PI4KA: variants seen among roughly 807,000 people sequenced by gnomAD.
PI4KA encodes phosphatidylinositol 4-kinase alpha, also known as PI4-kinase alpha.
A neutral mutation model predicts 271.4 loss-of-function variants in PI4KA; 122 were observed. The observed-to-expected ratio is 0.45, with a 90% CI of 0.39 to 0.52. The LOEUF (loss-of-function observed/expected upper bound fraction) is 0.52. Ranked by LOEUF, PI4KA falls within the 20% of genes least tolerant of loss-of-function variation. The pLI, the probability that PI4KA is intolerant of heterozygous loss-of-function variation, is 0.00. For synonymous variants in PI4KA, 1,041 were observed against 1,078.8 expected (o/e 0.96, Z 0.69); for missense variants, 1,969 against 2,769.1 (o/e 0.71, Z 6.48).
At chr22:20,808,547 G>A (rs1167834264) in intron 9 of PI4KA, among the ~76,000 whole-genome samples, 9 of 145,640 alleles carry the variant, frequency 6.2e-5, no homozygotes, top group African/African-American at 1.8e-4. Flanking sequence ...CCAAGATCAC[G>A]CCACTGCACT....
At chr22:20,742,425 A>G in intron 31 of PI4KA, 70 bp from the exon 32 acceptor site, 1 of 1,585,432 alleles carries the variant, frequency 6.3e-7, no homozygotes, top group Non-Finnish European at 8.6e-7. Flanking sequence ...TCCCTGGGCC[A>G]ACAAGAGTTG....
chr22:20,711,269 G>C, intron 51 of PI4KA, 72 bp downstream of exon 51: 1 of 1,019,522 alleles, frequency 9.8e-7, no homozygotes, highest in South Asian at 1.3e-5. Context: ...CCTCTCTGTG[G>C]GGTGGGGATC....
chr22:20,748,715 G>A (rs1321964744), intron 28 of PI4KA, among the ~76,000 whole-genome samples: 1 of 152,210 alleles, frequency 6.6e-6, no homozygotes, highest in African/African-American at 2.4e-5. Flanking sequence ...GGGGACTCCT[G>A]GAGCTCCAGA....
At chr22:20,773,701 A>G (rs1933021433) in intron 19 of PI4KA, among the ~76,000 whole-genome samples, 1 of 152,228 alleles carries the variant, frequency 6.6e-6, no homozygotes, top group Admixed American at 6.5e-5. Context: ...CAGCCACATC[A>G]GTCCTGGAGA....
At chr22:20,746,531 T>A (rs908911697) in intron 29 of PI4KA, among the ~76,000 whole-genome samples, 1 of 152,222 alleles carries the variant, frequency 6.6e-6, no homozygotes, top group Non-Finnish European at 1.5e-5. Context: ...CTATTTTATG[T>A]AATAAAGCTT....
Position 20,822,965 on chromosome 22 carries a change from G to A in PI4KA, c.456+1361C>T, listed in dbSNP as rs183221188. On this transcript the variant is annotated intron_variant, in intron 4 of 54. Coordinates refer to ENST00000255882, the MANE Select transcript of PI4KA (RefSeq NM_058004.4). ...GTCTCACTCTGTTATCCAGGCTGGA[G>A]TGCAATGGCATGATCTCAGCTCACT... Among the ~76,000 whole-genome samples, 66 of 152,260 alleles carry A rather than the reference G, an allele frequency of 4.3e-4. No homozygotes were observed. In the East Asian group the frequency reaches 0.012, roughly 28 times the overall value.
In PI4KA at chr22:20,815,395, A is replaced by C. The variant is rs1293589343; in HGVS notation, c.857-1889T>G. Among the ~76,000 whole-genome samples, 173 of 151,886 alleles carry C rather than the reference A, an allele frequency of 1.1e-3. 1 individual carries two copies. The East Asian group carries it at 0.023, about 20-fold the overall frequency. On this transcript the variant is annotated intron_variant, in intron 7 of 54. Coordinates refer to ENST00000255882, the MANE Select transcript of PI4KA (RefSeq NM_058004.4). ...ACTGCGTCTCAAAAAAAAAAAAAAA[A>C]AAAAACAAATCAAAACAAACAAACA...
At chr22:20,755,861 A>G (rs980054031) in intron 23 of PI4KA, among the ~76,000 whole-genome samples, 27 of 152,242 alleles carry the variant, frequency 1.8e-4, no homozygotes, top group African/African-American at 6.0e-4. Flanking sequence ...TGATCATCAC[A>G]GTGCAGATGA....
intron 36 of PI4KA, among the ~76,000 whole-genome samples, chr22:20,731,770 A>G (rs1007118926): frequency 2.6e-5 from 4 of 152,082 alleles, no homozygotes; most frequent in African/African-American, 4.8e-5. Context: ...TCTACTAAAA[A>G]TACAAAAAAT....
intron 7 of PI4KA, among the ~76,000 whole-genome samples, chr22:20,814,523 G>A: frequency 6.6e-6 from 1 of 152,164 alleles, no homozygotes; most frequent in Admixed American, 6.6e-5. Flanking sequence ...GCTGAGGTGG[G>A]AGGATTGCTT....
chr22:20,723,635 A>T (rs1191782504), intron 42 of PI4KA, among the ~76,000 whole-genome samples: 1 of 151,744 alleles, frequency 6.6e-6, no homozygotes, highest in Non-Finnish European at 1.5e-5. Context: ...GTTCGAGACC[A>T]GCCTGGCAAA....
At chr22:20,714,586 C>A in intron 46 of PI4KA, 42 bp downstream of exon 46, 1 of 1,613,956 alleles carries the variant, frequency 6.2e-7, no homozygotes, top group South Asian at 1.1e-5. Context: ...ACTTCGCACG[C>A]GGACGCGTGG....
At chr22:20,734,903 G>A (rs1440685147) in intron 32 of PI4KA, among the ~76,000 whole-genome samples, 4 of 152,162 alleles carry the variant, frequency 2.6e-5, no homozygotes, top group African/African-American at 7.2e-5. Context: ...GGCTGTGAGC[G>A]GGAAGACCCC....
intron 1 of PI4KA, among the ~76,000 whole-genome samples, chr22:20,857,397 G>C (rs750610086): frequency 1.3e-5 from 2 of 152,172 alleles, no homozygotes. Context: ...CCAAGGACCA[G>C]GTCACTCTGC....
intron 39 of PI4KA, 141 bp downstream of exon 39, chr22:20,729,172 G>T: frequency 1.4e-6 from 1 of 689,886 alleles, no homozygotes; most frequent in Non-Finnish European, 2.4e-6. Context: ...GAGTGTCCTG[G>T]GGCTCGAGGA....
chr22:20,821,068 C>T (rs1922594706), intron 4 of PI4KA, among the ~76,000 whole-genome samples: 1 of 152,184 alleles, frequency 6.6e-6, no homozygotes. Flanking sequence ...GAATAAAATA[C>T]ATTAACATCT....
intron 42 of PI4KA, among the ~76,000 whole-genome samples, chr22:20,724,718 A>G (rs961601089): frequency 1.3e-5 from 2 of 152,216 alleles, no homozygotes; most frequent in African/African-American, 4.8e-5. Context: ...GAATCATTTC[A>G]GGCGGCCTTT....
rs141464943 is a variant in PI4KA at position 20,727,794 on chromosome 22, C to G, written c.4753G>C (p.Asp1585His). Residue 1585 changes from aspartate (D) to histidine (H), a missense_variant, in exon 40 of 55, where the codon GAT becomes CAT. Physicochemically the swap from Asp to His is moderately conservative, Grantham distance 81 (BLOSUM62 -1). Transcript: ENST00000255882. Reference protein sequence around the residue: ...LVRLDPGAVSDVPEAIKFLVT... With the variant: ...LVRLDPGAVSHVPEAIKFLVT... ...ACTACCTTGATTGCTTCAGGCACAT[C>G]ACTAACGGCTCCCGGGTCCAACCGA... The G allele has an allele frequency of 3.1e-6, 5 of 1,613,922 alleles. No individual in the cohort carries two copies. In the African/African-American group the frequency reaches 6.7e-5, roughly 22 times the overall value.
chr22:20,729,336 G>A lies in PI4KA; in HGVS notation c.4659C>T (p.Tyr1553=). Residue 1553 remains tyrosine, a synonymous_variant, in exon 39 of 55, where the codon TAC becomes TAT. Transcript: ENST00000255882. ...NVNLAWSISP[Y]LAVQLPARFK... The stretch of plus-strand genomic sequence containing the variant: ...ACCTGGCAGGCAGCTGCACGGCTAG[G>A]TAGGGAGAGATGCTCCAGGCGAGGT... The A allele has an allele frequency of 1.2e-6, 2 of 1,613,896 alleles. No individual in the cohort carries two copies. Among genetic ancestry groups the A allele is most frequent in the Non-Finnish European group, 1.7e-6 (2 of 1,179,900 alleles).
Sources: allele counts gnomAD v4.1 joint callset (sites outside exome capture counted in the v4.1 genomes callset), GRCh38; gene constraint gnomAD v4.1.1; transcripts MANE v1.5; gene names NCBI Gene and HGNC (gene_info 2026-07-23, HGNC 2026-07-21).